AMOTL1: variants seen among roughly 807,000 people sequenced by gnomAD.
AMOTL1 encodes angiomotin-like protein 1.
AMOTL1 carries 45 observed loss-of-function variants against 102.9 expected under a neutral mutation model. The observed-to-expected ratio is 0.44, with a 90% CI of 0.34 to 0.56. The LOEUF (loss-of-function observed/expected upper bound fraction) is 0.56, where lower values mean the gene tolerates loss of function less well. AMOTL1 is among the 20% of genes least tolerant of loss of function. AMOTL1 has a pLI of 0.01. For synonymous variants in AMOTL1, 481 were observed against 484.7 expected, an observed-to-expected ratio of 0.99 and a Z score of 0.10; for missense variants, 1,114 against 1,225.6, an observed-to-expected ratio of 0.91 and a Z score of 1.36.
intron 2 of AMOTL1, among the ~76,000 whole-genome samples, chr11:94,732,931 A>G (rs1446127003): frequency 6.6e-6 from 1 of 152,246 alleles, no homozygotes; most frequent in Non-Finnish European, 1.5e-5. Flanking sequence ...GAAGCCTCTC[A>G]GGGTCAGGGA....
chr11:94,719,274 T>C (rs1240748340), intron 1 of AMOTL1, among the ~76,000 whole-genome samples: 1 of 152,128 alleles, frequency 6.6e-6, no homozygotes, highest in Non-Finnish European at 1.5e-5. Context: ...AGTTTTACTT[T>C]TGTTTTATTA....
chr11:94,798,835 G>A (rs1004161953), intron 2 of AMOTL1, among the ~76,000 whole-genome samples: 1 of 152,120 alleles, frequency 6.6e-6, no homozygotes, highest in Admixed American at 6.5e-5. Context: ...CTTCAGAAAA[G>A]TTAGGTGTAT....
At chr11:94,804,035 C>A (rs945891110) in intron 3 of AMOTL1, among the ~76,000 whole-genome samples, 1 of 152,040 alleles carries the variant, frequency 6.6e-6, no homozygotes, top group Non-Finnish European at 1.5e-5. Flanking sequence ...TATAATATTT[C>A]ATAAAGTATA....
chr11:94,811,201 A>G (rs1011445346), intron 3 of AMOTL1, among the ~76,000 whole-genome samples: 1 of 152,248 alleles, frequency 6.6e-6, no homozygotes, highest in South Asian at 2.1e-4. Flanking sequence ...CAAGTGGTCA[A>G]AATCAAAAAT....
intron 4 of AMOTL1, among the ~76,000 whole-genome samples, chr11:94,828,788 C>T (rs1419567415): frequency 6.6e-6 from 1 of 152,158 alleles, no homozygotes; most frequent in African/African-American, 2.4e-5. Flanking sequence ...TCCCTGGCTC[C>T]TGGTGCCATT....
chr11:94,799,571 G>C lies in AMOTL1; in HGVS notation c.381G>C (p.Gly127=). Residue 127 remains glycine, a synonymous_variant, in exon 3 of 13, where the codon GGG becomes GGC. Transcript: ENST00000433060. This position sits in a 1 kb window ranked among gnomAD's most constrained non-coding sequence, Gnocchi z 4.5. The part of the protein sequence containing the change: ...NLLAIQHQAT[G]SAGPAHPTNN... ...TGGCCATTCAGCACCAGGCCACAGG[G>C]AGTGCAGGACCAGCCCATCCTACAA... The C allele has an allele frequency of 6.2e-7, 1 of 1,613,706 alleles. No homozygotes were observed. Among genetic ancestry groups the C allele is most frequent in the Non-Finnish European group, 8.5e-7 (1 of 1,179,834 alleles).
Position 94,866,505 on chromosome 11 carries a change from A to C in AMOTL1, c.2488+337A>C, listed in dbSNP as rs892888685. The C allele has an allele frequency of 5.4e-5, 16 of 295,764 alleles. No individual in the cohort carries two copies. The Admixed American group carries it at 7.0e-4, about 13-fold the overall frequency. The allele number at this position is 295,764 out of a possible 1,614,324, so 18.3% of individuals were successfully genotyped here. On this transcript the variant is annotated intron_variant, in intron 11 of 12. Coordinates refer to ENST00000433060, the MANE Select transcript of AMOTL1 (RefSeq NM_130847.3). ...TCTGAACTTGGCTCTGCTCTAGACC[A>C]GTTGTATGACGGCTCCACCTCTGCT... is the stretch of plus-strand genomic sequence containing the variant.
chr11:94,843,506 G>GA (rs1483994925), intron 6 of AMOTL1, among the ~76,000 whole-genome samples: 1 of 151,858 alleles, frequency 6.6e-6, no homozygotes, highest in Admixed American at 6.5e-5. Context: ...CACAACCTCA[G>GA]AAAAAAAGAA....
At chr11:94,769,446 G>A (rs1005548127) in intron 1 of AMOTL1, among the ~76,000 whole-genome samples, 2 of 152,196 alleles carry the variant, frequency 1.3e-5, no homozygotes, top group African/African-American at 2.4e-5. Context: ...TACCTGGACT[G>A]CGCTCGCGGC....
chr11:94,707,380 C>T (rs1278798720), intron 1 of AMOTL1, among the ~76,000 whole-genome samples: 1 of 151,928 alleles, frequency 6.6e-6, no homozygotes, highest in African/African-American at 2.4e-5. Flanking sequence ...TCATACAACT[C>T]TTATCAGCTT....
intron 1 of AMOTL1, among the ~76,000 whole-genome samples, chr11:94,781,184 C>T (rs1238510247): frequency 3.3e-5 from 5 of 151,808 alleles, no homozygotes; most frequent in African/African-American, 9.7e-5. Context: ...CTCAAGGACC[C>T]GAAGGTGCAT....
intron 3 of AMOTL1, among the ~76,000 whole-genome samples, chr11:94,750,042 A>G (rs1409389549): frequency 6.6e-6 from 1 of 152,204 alleles, no homozygotes; most frequent in Non-Finnish European, 1.5e-5. Flanking sequence ...GGCACTTTGT[A>G]CTTTATACAT....
chr11:94,757,279 G>T (rs1410289149), intron 3 of AMOTL1, among the ~76,000 whole-genome samples: 3 of 152,130 alleles, frequency 2.0e-5, no homozygotes, highest in African/African-American at 7.2e-5. Context: ...TGGACTAAGA[G>T]CTTTACATGT....
Position 94,834,869 on chromosome 11 carries a change from T to G in AMOTL1, c.1648+3328T>G, listed in dbSNP as rs568786050. 3.3e-5 allele frequency among the ~76,000 whole-genome samples: 5 copies of G among 152,286 alleles called. No individual in the cohort carries two copies. In the East Asian group the frequency reaches 9.6e-4, roughly 29 times the overall value. On this transcript the variant is annotated intron_variant, in intron 6 of 12. Coordinates refer to ENST00000433060, the MANE Select transcript of AMOTL1 (RefSeq NM_130847.3). ...TCCTGGCCAGATTTAAACATTTCCCTCTGCTCAGGGTAGTTTTCTTCTAAA... is the reference window on the plus strand; with the variant it reads ...TCCTGGCCAGATTTAAACATTTCCCGCTGCTCAGGGTAGTTTTCTTCTAAA...
chr11:94,758,695 G>C (rs59285269), intron 3 of AMOTL1, among the ~76,000 whole-genome samples: 2 of 152,140 alleles, frequency 1.3e-5, no homozygotes, highest in Non-Finnish European at 2.9e-5. Context: ...CAGGATTTCC[G>C]TATACTCTGC....
chr11:94,853,600 A>C (rs1175363559), intron 7 of AMOTL1, among the ~76,000 whole-genome samples: 2 of 152,184 alleles, frequency 1.3e-5, no homozygotes, highest in Non-Finnish European at 2.9e-5. Context: ...TACGTGCAAA[A>C]ACTCTTTATT....
chr11:94,770,127 A>G (rs754135297), intron 1 of AMOTL1, among the ~76,000 whole-genome samples: 2 of 152,068 alleles, frequency 1.3e-5, no homozygotes, highest in Non-Finnish European at 2.9e-5. Flanking sequence ...CTGGCTGCAT[A>G]CCACTCCTGG....
chr11:94,833,948 C>T (rs972078693), intron 6 of AMOTL1, among the ~76,000 whole-genome samples: 6 of 152,162 alleles, frequency 3.9e-5, no homozygotes, highest in African/African-American at 1.4e-4. Flanking sequence ...TAGATAATGA[C>T]TTAAGGTTTG....
chr11:94,718,669 A>G (rs1301380728), intron 1 of AMOTL1, among the ~76,000 whole-genome samples: 1 of 151,920 alleles, frequency 6.6e-6, no homozygotes. Context: ...TGTTGCATTG[A>G]ATATCTTTTT....
Sources: gnomAD v4.1 joint callset for allele counts (sites outside exome capture counted in the v4.1 genomes callset) on GRCh38, gnomAD v4.1.1 for gene constraint, Gnocchi (gnomAD v3.1) non-coding constraint, MANE v1.5 for transcripts, NCBI Gene and HGNC (gene_info 2026-07-23, HGNC 2026-07-21) for gene names.